The following PDE4D variants were observed in gnomAD, a reference collection of about 807,000 sequenced individuals.
PDE4D encodes the protein phosphodiesterase 4D.
A neutral mutation model predicts 87.4 loss-of-function variants in PDE4D; 24 were observed. The ratio of observed to expected loss-of-function variants is 0.27; its 90% CI spans 0.20 to 0.39. PDE4D has a LOEUF of 0.39. PDE4D is among the 10% of genes least tolerant of loss of function. The pLI is 1.00. For missense variants in PDE4D, 714 were observed against 1,041.0 expected (o/e 0.69, Z 4.32); for synonymous variants, 384 against 383.2 (o/e 1.00, Z -0.02).
intron 1 of PDE4D, among the ~76,000 whole-genome samples, chr5:59,748,646 T>C (rs1474405019): frequency 9.4e-6 from 1 of 106,150 alleles, no homozygotes. Flanking sequence ...CACCGGGGCC[T>C]ATTGTGGGGT....
intron 1 of PDE4D, among the ~76,000 whole-genome samples, chr5:59,450,484 C>T (rs1275682758): frequency 3.9e-5 from 6 of 152,120 alleles, no homozygotes. Context: ...AGAGGTTTCA[C>T]AGCATAAAGA....
At chr5:60,029,489 A>G (rs1005385941) in intron 2 of PDE4D, among the ~76,000 whole-genome samples, 3 of 152,126 alleles carry the variant, frequency 2.0e-5, no homozygotes, top group African/African-American at 7.2e-5. Context: ...GAATCAGTGC[A>G]CTTCTTACAT....
At position 59,258,519 on chromosome 5, in the gene PDE4D, T is replaced by TA. The variant is rs564172054; in HGVS notation, c.456-42552dup. ...TAAAACTGTAGAAAATTATTCTAAA[T>TA]AAGAATCTTGCTGTTGAACTATTTT... is the stretch of plus-strand genomic sequence containing the variant. On this transcript the variant is annotated intron_variant, in intron 1 of 14. Coordinates refer to ENST00000340635, the MANE Select transcript of PDE4D (RefSeq NM_001104631.2). Among the ~76,000 whole-genome samples, 73 of 151,944 alleles carry TA rather than the reference T, an allele frequency of 4.8e-4. No homozygotes were observed. In the East Asian group the frequency reaches 0.013, roughly 27 times the overall value.
At chr5:59,074,422 A>G (rs939815537) in intron 5 of PDE4D, among the ~76,000 whole-genome samples, 4 of 152,186 alleles carry the variant, frequency 2.6e-5, no homozygotes, top group African/African-American at 9.7e-5. Context: ...AAGAAATAAA[A>G]GAATCCAAAA....
intron 2 of PDE4D, among the ~76,000 whole-genome samples, chr5:60,159,979 C>T (rs1242298744): frequency 6.6e-6 from 1 of 152,186 alleles, no homozygotes; most frequent in African/African-American, 2.4e-5. Context: ...CACAGGCCAA[C>T]TTACATGCAG....
intron 5 of PDE4D, among the ~76,000 whole-genome samples, chr5:59,083,410 T>A (rs1366339887): frequency 6.6e-6 from 1 of 152,102 alleles, no homozygotes; most frequent in Non-Finnish European, 1.5e-5. Context: ...ATTTTTTTTC[T>A]GTTATTTTCC....
intron 1 of PDE4D, among the ~76,000 whole-genome samples, chr5:60,214,963 T>C (rs540135163): frequency 2.0e-5 from 3 of 152,236 alleles, no homozygotes; most frequent in Middle Eastern, 3.4e-3. Context: ...GTATTCTTCC[T>C]CTCTCCCATG....
chr5:59,364,483 T>C (rs1163040197), intron 1 of PDE4D, among the ~76,000 whole-genome samples: 1 of 152,226 alleles, frequency 6.6e-6, no homozygotes, highest in Admixed American at 6.5e-5. Flanking sequence ...AAATCATTTA[T>C]CCAGCAAAAT....
intron 5 of PDE4D, among the ~76,000 whole-genome samples, chr5:59,060,352 A>T (rs1762949291): frequency 6.9e-6 from 1 of 144,906 alleles, no homozygotes; most frequent in African/African-American, 2.8e-5. Flanking sequence ...AGCCACTTCT[A>T]TTTTAAATCT....
intron 1 of PDE4D, among the ~76,000 whole-genome samples, chr5:59,419,621 T>C (rs562532996): frequency 2.6e-5 from 4 of 152,330 alleles, no homozygotes; most frequent in African/African-American, 9.6e-5. Flanking sequence ...CTGGATGACA[T>C]GGTAGGAGGC....
rs80188300 is a variant in PDE4D at position 60,296,142 on chromosome 5, G to T, written c.-89-110455C>A. ...CCTAATACAATCACCTTGGAGGTGAGGACTTCAACATATGAATTTTGGAGG... is the reference window on the plus strand; with the variant it reads ...CCTAATACAATCACCTTGGAGGTGATGACTTCAACATATGAATTTTGGAGG... On this transcript the variant is annotated intron_variant, in intron 1 of 16. Transcript: ENST00000502484. Among the ~76,000 whole-genome samples the T allele has an allele frequency of 0.012, 1,838 of 152,246 alleles. 63 individuals are homozygous for T. In the East Asian group the frequency reaches 0.13, roughly 11 times the overall value.
intron 1 of PDE4D, among the ~76,000 whole-genome samples, chr5:60,468,130 C>CTTTTTTTTTTTTTGTTTT: frequency 7.9e-6 from 1 of 126,210 alleles, no homozygotes; most frequent in African/African-American, 3.1e-5. Context: ...AACTTTCTTT[C>CTTTTTTTTTTTTTGTTTT]TTTTTTCTTT....
At chr5:60,474,035 A>AT (rs1226928722) in intron 1 of PDE4D, among the ~76,000 whole-genome samples, 2 of 138,980 alleles carry the variant, frequency 1.4e-5, no homozygotes, top group African/African-American at 2.6e-5. Flanking sequence ...CCCAGTTGGA[A>AT]TTTTTTTATC....
At chr5:59,301,503 C>A (rs1279283364) in intron 1 of PDE4D, among the ~76,000 whole-genome samples, 2 of 151,990 alleles carry the variant, frequency 1.3e-5, no homozygotes, top group African/African-American at 2.4e-5. Flanking sequence ...GTGTCTGAAG[C>A]CGGTAAAGAG....
intron 1 of PDE4D, among the ~76,000 whole-genome samples, chr5:60,422,773 C>T (rs575331783): frequency 5.9e-5 from 9 of 152,280 alleles, no homozygotes; most frequent in Non-Finnish European, 1.3e-4. Context: ...AGTCAAGACT[C>T]ATCAGTGTGC....
At chr5:59,668,578 C>T (rs1746451526) in intron 1 of PDE4D, among the ~76,000 whole-genome samples, 1 of 151,588 alleles carries the variant, frequency 6.6e-6, no homozygotes, top group Non-Finnish European at 1.5e-5. Flanking sequence ...ACATGGTGGC[C>T]CATGCCTGTA....
intron 3 of PDE4D, among the ~76,000 whole-genome samples, chr5:59,923,535 T>C (rs770666201): frequency 7.8e-4 from 118 of 152,224 alleles, no homozygotes; most frequent in Admixed American, 3.7e-3. Context: ...CCCATTTGTT[T>C]GGTAGAAAGT....
chr5:60,043,262 G>T lies in PDE4D; in HGVS notation c.43-54545C>A, dbSNP rs139849139. Among the ~76,000 whole-genome samples the T allele has an allele frequency of 2.7e-3, 413 of 151,814 alleles. 1 individual carries two copies. Among genetic ancestry groups the T allele is most frequent in the African/African-American group, 8.2e-3 (341 of 41,414 alleles). On this transcript the variant is annotated intron_variant, in intron 2 of 16. Coordinates refer to the PDE4D transcript ENST00000502484. ...AGATTAGAGAAAAAAGAATGAAAGG[G>T]AAAGAACAAAGCCTCCAAGAAATAT...
intron 1 of PDE4D, among the ~76,000 whole-genome samples, chr5:59,890,395 T>C (rs987786996): frequency 1.3e-5 from 2 of 152,218 alleles, no homozygotes; most frequent in African/African-American, 4.8e-5. Flanking sequence ...TTTATATGCA[T>C]TTTACAAAGT....
Sources: allele counts gnomAD v4.1 joint callset (sites outside exome capture counted in the v4.1 genomes callset), GRCh38; gene constraint gnomAD v4.1.1; transcripts MANE v1.5; gene names NCBI Gene and HGNC (gene_info 2026-07-23, HGNC 2026-07-21).